FOXP1: variants seen among roughly 807,000 people sequenced by gnomAD.
The protein encoded by FOXP1 is forkhead box P1.
In FOXP1, 15 loss-of-function variants were observed where a neutral mutation model predicts 98.2. That is an observed-to-expected ratio of 0.15 (90% CI 0.10 to 0.24). FOXP1 has a LOEUF of 0.24. Ranked by LOEUF, FOXP1 falls within the 10% of genes least tolerant of loss-of-function variation. FOXP1 has a pLI of 1.00. For missense variants in FOXP1, 633 were observed against 848.5 expected (o/e 0.75, Z 3.15); for synonymous variants, 371 against 314.5 (o/e 1.18, Z -1.90).
At chr3:71,213,069 C>T (rs2064622225) in intron 5 of FOXP1, among the ~76,000 whole-genome samples, 1 of 151,974 alleles carries the variant, frequency 6.6e-6, no homozygotes, top group Non-Finnish European at 1.5e-5. Context: ...GTCCATTAAT[C>T]CAAAGGCATG....
intron 5 of FOXP1, among the ~76,000 whole-genome samples, chr3:71,295,530 T>A (rs776640714): frequency 1.3e-5 from 2 of 151,810 alleles, no homozygotes; most frequent in African/African-American, 2.4e-5. Context: ...TTCCTTTTGA[T>A]TGTTTTTTAG....
chr3:71,224,392 G>T (rs1034039416), intron 5 of FOXP1, among the ~76,000 whole-genome samples: 1 of 152,188 alleles, frequency 6.6e-6, no homozygotes, highest in Non-Finnish European at 1.5e-5. Context: ...GGCAGAAGAA[G>T]GGATAAGGGA....
chr3:70,972,407 G>C, intron 18 of FOXP1, 148 bp downstream of exon 18: 1 of 1,185,386 alleles, frequency 8.4e-7, no homozygotes, highest in Non-Finnish European at 1.3e-6. Flanking sequence ...TACAAAACAG[G>C]AGGGATGAAA....
chr3:70,972,468 T>TAACACCATCTAGC (rs941221994), intron 18 of FOXP1, 87 bp downstream of exon 18: 1 of 1,574,084 alleles, frequency 6.4e-7, no homozygotes, highest in African/African-American at 1.3e-5. Context: ...TTCTTTGGTC[T>TAACACCATCTAGC]AACACCATCT....
intron 6 of FOXP1, among the ~76,000 whole-genome samples, chr3:71,156,131 G>A (rs1308391699): frequency 6.6e-6 from 1 of 152,154 alleles, no homozygotes; most frequent in East Asian, 1.9e-4. Flanking sequence ...CTGAACGACT[G>A]AGTGATCTTT....
chr3:71,004,037 TAACC>T (rs1362534733), intron 12 of FOXP1, among the ~76,000 whole-genome samples: 2 of 152,148 alleles, frequency 1.3e-5, no homozygotes, highest in African/African-American at 4.8e-5. Flanking sequence ...TTCCTTTATC[TAACC>T]AACATAAAGA....
Position 71,517,619 on chromosome 3 carries a change from T to C in FOXP1, c.-297-24064A>G, listed in dbSNP as rs112747356. 4.9e-3 allele frequency among the ~76,000 whole-genome samples: 750 copies of C among 152,328 alleles called. 8 individuals carry two copies. The highest frequency in any genetic ancestry group is 0.017 in the African/African-American group (715 of 41,574). On this transcript the variant is annotated intron_variant, in intron 2 of 20. Transcript: ENST00000649528. The stretch of plus-strand genomic sequence containing the variant: ...AGGAACACTGAACTGGTATCACTTC[T>C]TTCTCCTTTATCTTCAGTATAATAT...
At chr3:71,150,664 T>TA (rs1022431778) in intron 6 of FOXP1, among the ~76,000 whole-genome samples, 6 of 151,854 alleles carry the variant, frequency 4.0e-5, no homozygotes, top group Non-Finnish European at 7.4e-5. Context: ...TCCCCTTTGT[T>TA]AAAAAAAAGC....
intron 2 of FOXP1, among the ~76,000 whole-genome samples, chr3:71,514,512 T>C (rs2042419664): frequency 6.6e-6 from 1 of 152,214 alleles, no homozygotes. Flanking sequence ...TTTTGTTCAT[T>C]GATTTATCCC....
chr3:71,452,438 A>C (rs1037896751), intron 3 of FOXP1, among the ~76,000 whole-genome samples: 3 of 152,208 alleles, frequency 2.0e-5, no homozygotes, highest in Non-Finnish European at 2.9e-5. Flanking sequence ...ATGACGTGGC[A>C]ACTCAAAGAG....
At chr3:71,357,227 GGAAA>G (rs2078223593) in intron 4 of FOXP1, among the ~76,000 whole-genome samples, 1 of 152,142 alleles carries the variant, frequency 6.6e-6, no homozygotes, top group Admixed American at 6.5e-5. Context: ...TCCACAGGAA[GGAAA>G]ACCCACTAGA....
intron 7 of FOXP1, among the ~76,000 whole-genome samples, chr3:71,086,869 A>C (rs1300359887): frequency 6.6e-6 from 1 of 152,208 alleles, no homozygotes; most frequent in East Asian, 1.9e-4. Flanking sequence ...TTCGTCCTGC[A>C]CTGGGGCATA....
rs2060450962 is a variant in FOXP1, at chr3:71,149,045, T to C, written c.181-36408A>G. 2.0e-5 allele frequency among the ~76,000 whole-genome samples: 3 copies of C among 152,204 alleles called. No individual in the cohort carries two copies. In the South Asian group the frequency reaches 6.2e-4, roughly 31 times the overall value. On this transcript the variant is annotated intron_variant, in intron 6 of 20. Transcript: ENST00000649528. ...GCCTCAGACAACGTGCTTGTACAGT[T>C]AGTCAATAATAGTTCTTCTGCAATT...
intron 6 of FOXP1, among the ~76,000 whole-genome samples, chr3:71,149,950 A>C (rs2060492313): frequency 6.6e-6 from 1 of 152,270 alleles, no homozygotes; most frequent in African/African-American, 2.4e-5. Flanking sequence ...GTCCCTGACT[A>C]ATCCAGGTAT....
intron 3 of FOXP1, among the ~76,000 whole-genome samples, chr3:71,433,569 G>T (rs2084930452): frequency 6.6e-6 from 1 of 152,162 alleles, no homozygotes. Flanking sequence ...AGGGGGAAGG[G>T]TCTGTAAACT....
chr3:71,185,494 C>T lies in FOXP1; in HGVS notation c.180+12708G>A, dbSNP rs972378389. Among the ~76,000 whole-genome samples the T allele has an allele frequency of 2.6e-5, 4 of 152,136 alleles. 1 individual carries two copies. Among genetic ancestry groups the T allele is most frequent in the South Asian group, 4.1e-4 (2 of 4,834 alleles). ...TAAATTAGCTAAAATTCAATATAAA[C>T]GTTTGTGAAATATGGACAACACCAA... On this transcript the variant is annotated intron_variant, in intron 6 of 20. Coordinates refer to ENST00000649528, the MANE Select transcript of FOXP1 (RefSeq NM_001349338.3).
At chr3:71,240,270 C>A (rs1267194218) in intron 5 of FOXP1, among the ~76,000 whole-genome samples, 1 of 152,192 alleles carries the variant, frequency 6.6e-6, no homozygotes. Context: ...AATCCGTTCA[C>A]GATGTAGAAG....
intron 18 of FOXP1, chr3:70,972,288 AATAAGC>A (rs1265221455): frequency 2.1e-5 from 23 of 1,075,486 alleles, no homozygotes; most frequent in Non-Finnish European, 2.6e-5. Flanking sequence ...AATAAAATGC[AATAAGC>A]ATAAGCAAAT....
chr3:71,023,595 T>A (rs1348046102), intron 11 of FOXP1, among the ~76,000 whole-genome samples: 3 of 152,236 alleles, frequency 2.0e-5, no homozygotes, highest in Non-Finnish European at 4.4e-5. Flanking sequence ...TTCCCTTTTC[T>A]CTCTTCACTT....
Sources: allele counts gnomAD v4.1 joint callset (sites outside exome capture counted in the v4.1 genomes callset), GRCh38; gene constraint gnomAD v4.1.1; transcripts MANE v1.5; gene names NCBI Gene and HGNC (gene_info 2026-07-23, HGNC 2026-07-21).